Variants in GSE1 observed in about 807,000 individuals in gnomAD.
GSE1 encodes Gse1 coiled-coil protein, also known as genetic suppressor element 1.
Under a neutral mutation model 112.6 loss-of-function variants are expected in GSE1, and 32 were observed. That is an observed-to-expected ratio of 0.28 (90% CI 0.21 to 0.38). The LOEUF is 0.38. GSE1 is among the 10% of genes least tolerant of loss of function. The pLI, the probability that GSE1 is intolerant of heterozygous loss-of-function variation, is 1.00. For synonymous variants in GSE1, 1,115 were observed against 735.6 expected, an observed-to-expected ratio of 1.52 and a Z score of -8.35; for missense variants, 2,348 against 1,699.2, an observed-to-expected ratio of 1.38 and a Z score of -6.71.
At chr16:85,665,468 C>G (rs774528294) in intron 12 of GSE1, among the ~76,000 whole-genome samples, 16 of 152,214 alleles carry the variant, frequency 1.1e-4, no homozygotes, top group Admixed American at 2.0e-4. Flanking sequence ...AGGGCGTGCT[C>G]CAGCCTTAGT....
At chr16:85,343,946 G>A (rs2151545250) in intron 1 of GSE1, among the ~76,000 whole-genome samples, 1 of 152,250 alleles carries the variant, frequency 6.6e-6, no homozygotes, top group African/African-American at 2.4e-5. Context: ...ATGCAACCGG[G>A]CACAGTCCCG....
Position 85,325,166 on chromosome 16 carries a change from C to G in GSE1, c.2284-32297C>G, listed in dbSNP as rs141082883. 2.2e-3 allele frequency among the ~76,000 whole-genome samples: 340 copies of G among 152,178 alleles called. 1 individual carries two copies. Among genetic ancestry groups the G allele is most frequent in the African/African-American group, 7.6e-3 (317 of 41,502 alleles). On this transcript the variant is annotated intron_variant, in intron 1 of 2. Transcript: ENST00000637419. ...AAAATCGTTCATAGAGACGAGGTCT[C>G]ACTGTGTTCCCAGGCTGGTCTCGAA...
Position 85,373,201 on chromosome 16 carries a change from C to T in GSE1, c.2464+15558C>T, listed in dbSNP as rs1206727685. On this transcript the variant is annotated intron_variant, in intron 2 of 2. Coordinates refer to the GSE1 transcript ENST00000637419. This position sits in a 1 kb window ranked among gnomAD's most constrained non-coding sequence, Gnocchi z 5.1. ...TGTCCACCAGGGTGGGTGCCAGGCG[C>T]CTGGTAGCAGGCCCAGCTGCCTCGA... 1.3e-5 allele frequency among the ~76,000 whole-genome samples: 2 copies of T among 152,196 alleles called. No homozygotes were observed. The highest frequency in any genetic ancestry group is 1.9e-4 in the East Asian group (1 of 5,186).
chr16:85,309,046 C>T (rs1194985202), intron 1 of GSE1, among the ~76,000 whole-genome samples: 4 of 151,462 alleles, frequency 2.6e-5, no homozygotes, highest in South Asian at 2.1e-4. Flanking sequence ...CAGGATGGGG[C>T]GGGGCCTGAG....
intron 1 of GSE1, among the ~76,000 whole-genome samples, chr16:85,275,062 A>G (rs895244120): frequency 1.3e-5 from 2 of 152,164 alleles, no homozygotes; most frequent in Non-Finnish European, 1.5e-5. Flanking sequence ...GAGGGGCCAT[A>G]TGCTGTTCTG....
intron 1 of GSE1, among the ~76,000 whole-genome samples, chr16:85,208,349 C>G (rs2075157068): frequency 6.6e-6 from 1 of 152,190 alleles, no homozygotes; most frequent in Non-Finnish European, 1.5e-5. Context: ...TCAGCCATCG[C>G]CCGTGGCATC....
rs1451628256 is a variant in GSE1 at position 85,405,225 on chromosome 16, T to C, written c.2464+47582T>C. On this transcript the variant is annotated intron_variant, in intron 2 of 2. Transcript: ENST00000637419. ...CCTCACTGTTACTCTCAGGCCCCCC[T>C]GGATAATCCTCACTGTTACTCTCAG... Among the ~76,000 whole-genome samples, 11 of 554 alleles carry C rather than the reference T, an allele frequency of 0.02. 1 individual carries two copies. In the Non-Finnish European group the frequency reaches 0.33, roughly 17 times the overall value. 0.4% of individuals were successfully genotyped at this position (554 alleles called of 152,430 possible).
intron 2 of GSE1, among the ~76,000 whole-genome samples, chr16:85,382,336 G>T (rs2047566285): frequency 6.6e-6 from 1 of 152,190 alleles, no homozygotes; most frequent in South Asian, 2.1e-4. Context: ...GTAGTCACCA[G>T]ACCCTCTGAG....
chr16:85,640,274 C>T (rs923978234), intron 2 of GSE1, among the ~76,000 whole-genome samples: 13 of 152,200 alleles, frequency 8.5e-5, no homozygotes, highest in African/African-American at 2.9e-4. Context: ...GCCGGGGGCT[C>T]ATGGTACCTG....
At chr16:85,394,875 G>T (rs2047931613) in intron 2 of GSE1, among the ~76,000 whole-genome samples, 1 of 152,136 alleles carries the variant, frequency 6.6e-6, no homozygotes, top group Admixed American at 6.5e-5. Context: ...TCAAACATTG[G>T]CCCAGACCAA....
intron 2 of GSE1, among the ~76,000 whole-genome samples, chr16:85,431,462 A>G (rs1327732586): frequency 6.6e-6 from 1 of 152,224 alleles, no homozygotes; most frequent in Admixed American, 6.5e-5. Context: ...GGCGAAAAAC[A>G]CACAACGCCC....
Position 85,380,695 on chromosome 16 carries a change from GC to G in GSE1, c.2464+23056del, listed in dbSNP as rs754033965. ...TAACAAATTGGCTCCATTTGGCGTG[GC>G]CCCGGACCTAATTAGATCTAATTAA... On this transcript the variant is annotated intron_variant, in intron 2 of 2. Coordinates refer to the GSE1 transcript ENST00000637419. Among the ~76,000 whole-genome samples, 91 of 152,244 alleles carry G rather than the reference GC, an allele frequency of 6.0e-4. 1 individual carries two copies. Among genetic ancestry groups the G allele is most frequent in the Middle Eastern group, 3.4e-3 (1 of 294 alleles).
intron 2 of GSE1, among the ~76,000 whole-genome samples, chr16:85,459,449 C>T (rs943907062): frequency 2.6e-5 from 4 of 152,194 alleles, no homozygotes; most frequent in East Asian, 1.9e-4. Context: ...ACAATCTGGA[C>T]GACTATACTT....
In GSE1 at chr16:85,462,755, G is replaced by T. The variant is rs868373873; in HGVS notation, c.2464+105112G>T. Among the ~76,000 whole-genome samples the T allele has an allele frequency of 1.7e-3, 244 of 142,196 alleles. 1 individual carries two copies. The Middle Eastern group carries it at 0.018, about 11-fold the overall frequency. The allele number at this position is 142,196 out of a possible 152,430, so 93.3% of individuals were successfully genotyped here. On this transcript the variant is annotated intron_variant, in intron 2 of 2. Transcript: ENST00000637419. ...CGCCGGCCGGGCGGGGGACGAGGTG[G>T]TGGCTGCGAGGCAGCCGCGCCGCCA...
At chr16:85,523,567 G>T (rs1243299393) in intron 2 of GSE1, among the ~76,000 whole-genome samples, 1 of 152,140 alleles carries the variant, frequency 6.6e-6, no homozygotes, top group Admixed American at 6.5e-5. Flanking sequence ...GAACCCCTGG[G>T]AGCCGCCTCC....
chr16:85,402,410 A>G (rs568788117), intron 2 of GSE1, among the ~76,000 whole-genome samples: 21 of 152,334 alleles, frequency 1.4e-4, no homozygotes, highest in Admixed American at 1.4e-3. Context: ...CACAGCCTCA[A>G]GAACGGGGCT....
chr16:85,331,123 T>A (rs151181319), intron 1 of GSE1, among the ~76,000 whole-genome samples: 1 of 151,720 alleles, frequency 6.6e-6, no homozygotes, highest in South Asian at 2.1e-4. Flanking sequence ...GTTTTTTTAT[T>A]GTTATTATTT....
intron 2 of GSE1, among the ~76,000 whole-genome samples, chr16:85,529,468 C>T (rs1273117072): frequency 6.6e-6 from 1 of 152,202 alleles, no homozygotes; most frequent in Non-Finnish European, 1.5e-5. Flanking sequence ...ATTTAAACCC[C>T]AGAGTTCCAG....
chr16:85,229,887 G>T (rs963876707), intron 1 of GSE1, among the ~76,000 whole-genome samples: 1 of 152,218 alleles, frequency 6.6e-6, no homozygotes, highest in East Asian at 1.9e-4. Context: ...GTGAGAAGGG[G>T]GTAGAGGGCC....
Sources: allele counts gnomAD v4.1 joint callset (sites outside exome capture counted in the v4.1 genomes callset), GRCh38; gene constraint gnomAD v4.1.1; non-coding constraint Gnocchi (gnomAD v3.1); transcripts MANE v1.5; gene names NCBI Gene and HGNC (gene_info 2026-07-23, HGNC 2026-07-21).